Variants in STK39 observed in about 807,000 individuals in gnomAD.
The protein encoded by STK39 is STE20/SPS1-related proline-alanine-rich protein kinase.
A neutral mutation model predicts 77.8 loss-of-function variants in STK39; 20 were observed. The observed-to-expected ratio is 0.26, with a 90% CI of 0.18 to 0.37. STK39 has a LOEUF of 0.37. Ranked by LOEUF, STK39 falls within the 10% of genes least tolerant of loss-of-function variation. The pLI is 1.00. For synonymous variants in STK39, 246 were observed against 234.1 expected, an observed-to-expected ratio of 1.05 and a Z score of -0.47; for missense variants, 479 against 656.5, an observed-to-expected ratio of 0.73 and a Z score of 2.95.
chr2:168,207,377 G>A (rs1167592406), intron 1 of STK39, among the ~76,000 whole-genome samples: 1 of 152,112 alleles, frequency 6.6e-6, no homozygotes, highest in Non-Finnish European at 1.5e-5. Flanking sequence ...TCAACCAGGT[G>A]GACTGCTTTA....
intron 1 of STK39, among the ~76,000 whole-genome samples, chr2:168,218,711 A>C (rs12465990): frequency 0.62 from 93,415 of 151,860 alleles, 31,139 homozygotes; most frequent in Non-Finnish European, 0.78. Flanking sequence ...CTCCACCCCC[A>C]AAAAAATCAA....
intron 17 of STK39, among the ~76,000 whole-genome samples, chr2:167,960,352 G>A (rs768039635): frequency 2.7e-5 from 4 of 148,178 alleles, no homozygotes; most frequent in Non-Finnish European, 5.9e-5. Context: ...CAATATATGT[G>A]CTAAATTCTA....
At chr2:168,212,495 T>C (rs1689915915) in intron 1 of STK39, among the ~76,000 whole-genome samples, 1 of 152,194 alleles carries the variant, frequency 6.6e-6, no homozygotes, top group South Asian at 2.1e-4. Context: ...CTCTGAGCCA[T>C]GTGAGATGTG....
chr2:168,219,004 A>G lies in STK39; in HGVS notation c.208+28224T>C, dbSNP rs183145436. Among the ~76,000 whole-genome samples the G allele has an allele frequency of 2.2e-4, 33 of 152,340 alleles. No individual in the cohort carries two copies. In the East Asian group the frequency reaches 6.2e-3, roughly 28 times the overall value. ...GCCCAAGCTGCTACATTACACAGCT[A>G]CAGGTCATTTTCCCTAAGAATCATA... is the stretch of plus-strand genomic sequence containing the variant. On this transcript the variant is annotated intron_variant, in intron 1 of 17. Coordinates refer to ENST00000355999, the MANE Select transcript of STK39 (RefSeq NM_013233.3).
chr2:168,169,293 G>C lies in STK39; in HGVS notation c.322-1886C>G, dbSNP rs1688764716. Among the ~76,000 whole-genome samples, 8 of 152,278 alleles carry C rather than the reference G, an allele frequency of 5.3e-5. No homozygotes were observed. In the South Asian group the frequency reaches 1.7e-3, roughly 32 times the overall value. Reference sequence around the variant, plus strand: ...TGGCCACTCCTATTTCAAGTCAATAGCATCTGCTCAGTGCGGGGATGGCCC... The same window carrying C: ...TGGCCACTCCTATTTCAAGTCAATACCATCTGCTCAGTGCGGGGATGGCCC... On this transcript the variant is annotated intron_variant, in intron 2 of 17. Coordinates refer to ENST00000355999, the MANE Select transcript of STK39 (RefSeq NM_013233.3).
rs187416842 is a variant in STK39, at chr2:168,032,938, A to G, written c.1377-15843T>C. 1.2e-4 allele frequency among the ~76,000 whole-genome samples: 19 copies of G among 152,342 alleles called. No individual in the cohort carries two copies. In the East Asian group the frequency reaches 3.7e-3, roughly 29 times the overall value. ...GAAGAAGTCGAGTTGCTGAATGTTC[A>G]TTTGAAAAATAAAAGGATGGTAAAG... On this transcript the variant is annotated intron_variant, in intron 14 of 17. Transcript: ENST00000355999.
chr2:168,076,843 G>T (rs1236650899), intron 10 of STK39, among the ~76,000 whole-genome samples: 1 of 152,134 alleles, frequency 6.6e-6, no homozygotes, highest in East Asian at 1.9e-4. Context: ...TTCTAATGAC[G>T]GTGATTTTAA....
intron 1 of STK39, among the ~76,000 whole-genome samples, chr2:168,197,550 G>A (rs1198920230): frequency 1.3e-5 from 2 of 152,256 alleles, no homozygotes; most frequent in South Asian, 2.1e-4. Context: ...GTGTTCAAGA[G>A]ATATTTCAGG....
At position 168,068,828 on chromosome 2, in the gene STK39, G is replaced by A. The variant is rs149466278; in HGVS notation, c.1243-3447C>T. The stretch of plus-strand genomic sequence containing the variant: ...AGGATAACCATAATAAAAGTGGAGG[G>A]AGAAGTTAAATCTCTCTCTCCATCT... On this transcript the variant is annotated intron_variant, in intron 12 of 17. Transcript: ENST00000355999. Among the ~76,000 whole-genome samples, 126 of 152,308 alleles carry A rather than the reference G, an allele frequency of 8.3e-4. 1 individual carries two copies. The highest frequency in any genetic ancestry group is 2.8e-3 in the African/African-American group (118 of 41,544).
intron 1 of STK39, among the ~76,000 whole-genome samples, chr2:168,244,410 C>G (rs1690847037): frequency 6.6e-6 from 1 of 152,184 alleles, no homozygotes; most frequent in Non-Finnish European, 1.5e-5. Flanking sequence ...AAACACGGTG[C>G]CTCCTTTGGT....
chr2:167,990,529 G>A (rs990232555), intron 16 of STK39, among the ~76,000 whole-genome samples: 1 of 152,256 alleles, frequency 6.6e-6, no homozygotes, highest in East Asian at 1.9e-4. Flanking sequence ...AGTAAAAAAC[G>A]ATTGCACATC....
At chr2:168,102,929 CAAAAAAAAAAAAAAAA>C (rs35442749) in intron 10 of STK39, among the ~76,000 whole-genome samples, 1 of 50,084 alleles carries the variant, frequency 2.0e-5, no homozygotes, top group South Asian at 1.0e-3. Context: ...GAATCCGTCT[CAAAAAAAAAAAAAAAA>C]AAAAAAAAAA....
At chr2:168,058,092 T>C (rs1033007183) in intron 14 of STK39, among the ~76,000 whole-genome samples, 6 of 152,204 alleles carry the variant, frequency 3.9e-5, no homozygotes, top group Non-Finnish European at 5.9e-5. Flanking sequence ...GTGTTGAGAA[T>C]TTCTCACAAG....
intron 10 of STK39, among the ~76,000 whole-genome samples, chr2:168,120,944 A>G (rs1687389694): frequency 6.6e-6 from 1 of 152,020 alleles, no homozygotes; most frequent in African/African-American, 2.4e-5. Context: ...GATTCCTGCA[A>G]TGATGCCTGC....
At chr2:168,051,447 C>T (rs993461240) in intron 14 of STK39, among the ~76,000 whole-genome samples, 1 of 152,178 alleles carries the variant, frequency 6.6e-6, no homozygotes, top group Non-Finnish European at 1.5e-5. Context: ...TTTCTCTTCA[C>T]GCCTATCTGT....
chr2:168,119,493 T>C (rs915388945), intron 10 of STK39, among the ~76,000 whole-genome samples: 3 of 152,148 alleles, frequency 2.0e-5, no homozygotes, highest in South Asian at 2.1e-4. Flanking sequence ...AACTTAAAAA[T>C]AGTAATAGTG....
intron 16 of STK39, among the ~76,000 whole-genome samples, chr2:167,972,785 C>T (rs1435910219): frequency 6.6e-6 from 1 of 152,026 alleles, no homozygotes; most frequent in Non-Finnish European, 1.5e-5. Context: ...GTGCCAGAGA[C>T]CCCATTTGGA....
chr2:168,027,318 C>T (rs1356463805), intron 14 of STK39, among the ~76,000 whole-genome samples: 4 of 152,178 alleles, frequency 2.6e-5, no homozygotes, highest in Admixed American at 6.5e-5. Context: ...AACCCTTGCC[C>T]TTACATTTAA....
intron 17 of STK39, among the ~76,000 whole-genome samples, chr2:167,959,423 C>A (rs965877395): frequency 1.3e-5 from 2 of 152,156 alleles, no homozygotes; most frequent in Non-Finnish European, 2.9e-5. Flanking sequence ...CCGCGCCCGG[C>A]CATCAGCTTT....
Sources: allele counts gnomAD v4.1 joint callset (sites outside exome capture counted in the v4.1 genomes callset), GRCh38; gene constraint gnomAD v4.1.1; transcripts MANE v1.5; gene names NCBI Gene and HGNC (gene_info 2026-07-23, HGNC 2026-07-21).